The following MAP3K5 variants were observed in gnomAD, a reference collection of about 807,000 sequenced individuals.
MAP3K5 encodes mitogen-activated protein kinase kinase kinase 5, also known as ASK-1.
MAP3K5 carries 56 observed loss-of-function variants against 158.7 expected under a neutral mutation model. The observed-to-expected ratio is 0.35, with a 90% CI of 0.28 to 0.44. MAP3K5 has a LOEUF of 0.44. MAP3K5 is among the 20% of genes least tolerant of loss of function. The pLI, the probability that MAP3K5 is intolerant of heterozygous loss-of-function variation, is 1.00. For synonymous variants in MAP3K5, 579 were observed against 601.7 expected, an observed-to-expected ratio of 0.96 and a Z score of 0.55; for missense variants, 1,294 against 1,674.8, an observed-to-expected ratio of 0.77 and a Z score of 3.97.
chr6:136,669,456 T>C, intron 7 of MAP3K5, 61 bp from the exon 8 acceptor site: 2 of 941,270 alleles, frequency 2.1e-6, no homozygotes, highest in Non-Finnish European at 3.4e-6. Context: ...GGGTGTGTAA[T>C]AGCTTCTGTT....
At chr6:136,608,147 G>A (rs1050064386) in intron 18 of MAP3K5, among the ~76,000 whole-genome samples, 2 of 152,126 alleles carry the variant, frequency 1.3e-5, no homozygotes, top group African/African-American at 4.8e-5. Context: ...GAAGGTCCAC[G>A]TTTCTGGCTC....
chr6:136,583,534 C>G, intron 24 of MAP3K5, 21 bp downstream of exon 24: 4 of 1,588,286 alleles, frequency 2.5e-6, no homozygotes, highest in Admixed American at 1.8e-5. Context: ...TGGGAAAACA[C>G]TGGCAAAATA....
chr6:136,577,740 A>G (rs563607170), intron 25 of MAP3K5, among the ~76,000 whole-genome samples: 1 of 152,358 alleles, frequency 6.6e-6, no homozygotes, highest in Non-Finnish European at 1.5e-5. Context: ...AGATAGTACA[A>G]AGAATTCCTG....
At chr6:136,741,985 G>T (rs1463240179) in intron 1 of MAP3K5, among the ~76,000 whole-genome samples, 1 of 151,966 alleles carries the variant, frequency 6.6e-6, no homozygotes, top group Non-Finnish European at 1.5e-5. Flanking sequence ...CCTAATAAAA[G>T]AAACCAAAAA....
intron 1 of MAP3K5, among the ~76,000 whole-genome samples, chr6:136,776,001 A>G (rs1784389188): frequency 6.6e-6 from 1 of 152,224 alleles, no homozygotes; most frequent in East Asian, 1.9e-4. Flanking sequence ...CATGATAAAA[A>G]CCTATTTCGT....
intron 7 of MAP3K5, among the ~76,000 whole-genome samples, chr6:136,671,105 A>G (rs2114535172): frequency 6.6e-6 from 1 of 152,308 alleles, no homozygotes; most frequent in Middle Eastern, 3.4e-3. Context: ...CTTTCTACCA[A>G]TTCATATCAA....
chr6:136,699,919 C>A (rs1484723066), intron 3 of MAP3K5, among the ~76,000 whole-genome samples: 2 of 152,090 alleles, frequency 1.3e-5, no homozygotes, highest in Non-Finnish European at 2.9e-5. Context: ...TATGGTGAAA[C>A]CCCGTCTCTA....
intron 2 of MAP3K5, 39 bp from the exon 3 acceptor site, chr6:136,705,172 A>G: frequency 1.1e-6 from 1 of 926,966 alleles, no homozygotes; most frequent in Non-Finnish European, 1.6e-6. Flanking sequence ...AAGTTAATAC[A>G]AAACTGAATA....
At chr6:136,718,862 G>T (rs963442276) in intron 2 of MAP3K5, among the ~76,000 whole-genome samples, 2 of 152,120 alleles carry the variant, frequency 1.3e-5, no homozygotes, top group South Asian at 4.1e-4. Context: ...ACATAATAGG[G>T]CCTGCTTAAA....
At chr6:136,696,152 A>G in intron 5 of MAP3K5, 95 bp from the exon 6 acceptor site, 1 of 662,462 alleles carries the variant, frequency 1.5e-6, no homozygotes, top group Admixed American at 2.9e-5. Context: ...TGAATTCAAG[A>G]AACACATTAA....
intron 24 of MAP3K5, among the ~76,000 whole-genome samples, chr6:136,580,796 ACTT>A (rs1256647223): frequency 1.3e-5 from 2 of 152,094 alleles, no homozygotes; most frequent in African/African-American, 2.4e-5. Context: ...ATTTTCAATT[ACTT>A]CTTCTTATTA....
intron 21 of MAP3K5, 45 bp from the exon 22 acceptor site, chr6:136,592,659 A>T (rs556311744): frequency 1.9e-5 from 28 of 1,508,084 alleles, no homozygotes; most frequent in African/African-American, 1.1e-4. Flanking sequence ...CACTTTAAAA[A>T]ATGTACACAT....
chr6:136,560,507 A>C (rs937747788), intron 28 of MAP3K5, among the ~76,000 whole-genome samples: 1 of 152,218 alleles, frequency 6.6e-6, no homozygotes, highest in Non-Finnish European at 1.5e-5. Flanking sequence ...AAGTCTATAC[A>C]GAGCAGAGAG....
chr6:136,569,081 T>C (rs9385764), intron 25 of MAP3K5, among the ~76,000 whole-genome samples: 3,453 of 152,104 alleles, frequency 0.023, 67 homozygotes, highest in East Asian at 0.074. Flanking sequence ...ACCATTAAAA[T>C]AAAGATCATA....
rs114785090 is a variant in MAP3K5, at chr6:136,656,609, C to T, written c.1527-149G>A. 2,485 of 543,204 alleles carry T rather than the reference C, an allele frequency of 4.6e-3. 64 individuals carry two copies. The highest frequency in any genetic ancestry group is 0.044 in the African/African-American group (2,249 of 51,536). 33.6% of individuals were successfully genotyped at this position (543,204 alleles called of 1,614,324 possible). A position where few individuals can be genotyped will look rare whatever the true frequency, so the allele number is the denominator to read the frequency against. On this transcript the variant is annotated intron_variant, in intron 9 of 29. Coordinates refer to ENST00000359015, the MANE Select transcript of MAP3K5 (RefSeq NM_005923.4). ...CCGTTATTCGTTATTTGTTGCATAT[C>T]GTGTGTTTTCACACTTTTTTTTTTT...
chr6:136,749,472 G>C (rs1200315322), intron 1 of MAP3K5, among the ~76,000 whole-genome samples: 1 of 151,612 alleles, frequency 6.6e-6, no homozygotes, highest in Non-Finnish European at 1.5e-5. Flanking sequence ...GGCCGGTTTT[G>C]CTGTCTAATA....
chr6:136,643,830 A>G (rs1778109607), intron 11 of MAP3K5, among the ~76,000 whole-genome samples: 1 of 152,208 alleles, frequency 6.6e-6, no homozygotes, highest in Admixed American at 6.5e-5. Context: ...AAATTAAAAT[A>G]GCAGACTGCA....
chr6:136,788,185 T>C (rs1784925119), intron 1 of MAP3K5, among the ~76,000 whole-genome samples: 1 of 152,136 alleles, frequency 6.6e-6, no homozygotes, highest in South Asian at 2.1e-4. Context: ...AAGTAAGTAA[T>C]GGAGAAAGGA....
rs180950040 is a variant in MAP3K5 at position 136,705,112 on chromosome 6, T to C, written c.610A>G (p.Thr204Ala). Reference sequence around the variant, plus strand: ...GGAAGGTTAAATAAAGTACTCACAGTATTCTTCTGGCAAATTATTTCCTGA... The same window carrying C: ...GGAAGGTTAAATAAAGTACTCACAGCATTCTTCTGGCAAATTATTTCCTGA... ...SLKEIICQKN[T>A]MCTGNYTFVP... The change falls in exon 3 of 30, where the codon ACT becomes GCT. Residue 204 changes from threonine to alanine, a missense_variant and splice_region_variant. Physicochemically the swap from Thr to Ala is moderately conservative, Grantham distance 58 (BLOSUM62 0). Coordinates refer to ENST00000359015, the MANE Select transcript of MAP3K5 (RefSeq NM_005923.4). 10 of 1,211,010 alleles carry C rather than the reference T, an allele frequency of 8.3e-6. No individual in the cohort carries two copies. In the Admixed American group the frequency reaches 2.2e-4, roughly 26 times the overall value. The allele number at this position is 1,211,010 out of a possible 1,614,324, so 75.0% of individuals were successfully genotyped here.
Sources: allele counts gnomAD v4.1 joint callset (sites outside exome capture counted in the v4.1 genomes callset), GRCh38; gene constraint gnomAD v4.1.1; transcripts MANE v1.5; gene names NCBI Gene and HGNC (gene_info 2026-07-23, HGNC 2026-07-21).